NUTM2G: variants seen among roughly 807,000 people sequenced by gnomAD.
NUTM2G encodes the protein NUT family member 2G, also known as family with sequence similarity 22, member G.
NUTM2G carries 29 observed loss-of-function variants against 44.3 expected under a neutral mutation model. That is an observed-to-expected ratio of 0.66 (90% CI 0.49 to 0.89). NUTM2G has a LOEUF of 0.89. Ranked by LOEUF, NUTM2G falls within the 40% of genes least tolerant of loss-of-function variation. NUTM2G has a pLI of 0.00. For synonymous variants in NUTM2G, 205 were observed against 395.9 expected (o/e 0.52, Z 5.72); for missense variants, 502 against 946.5 (o/e 0.53, Z 6.16).
At chr9:96,934,520 G>A (rs1391643968) in intron 2 of NUTM2G, among the ~76,000 whole-genome samples, 1 of 152,002 alleles carries the variant, frequency 6.6e-6, no homozygotes, top group Non-Finnish European at 1.5e-5. Context: ...AATGTGGGAA[G>A]CTGTGCCTGG....
rs374524334 is a variant in NUTM2G, at chr9:96,937,157, C to T, written c.1076C>T (p.Pro359Leu). 1.7e-5 allele frequency: 28 copies of T among 1,612,168 alleles called. No homozygotes were observed. The highest frequency in any genetic ancestry group is 2.1e-5 in the Non-Finnish European group (25 of 1,179,874). The change falls in exon 5 of 7, where the codon CCA (proline) becomes CTA (leucine). Residue 359 changes from proline (P) to leucine (L), a missense_variant. By Grantham distance (98) the Pro-to-Leu change is moderately conservative. Transcript: ENST00000372322. The part of the protein sequence containing the change: ...QRPAETKAHL[P>L]PPRPPRPAET... ...CCAGCGGAGACCAAGGCCCACCTGC[C>T]ACCACCCAGGCCCCCGAGGCCAGCA...
At chr9:96,930,912 T>TTTTTTTTTG (rs1826224456) in intron 1 of NUTM2G, among the ~76,000 whole-genome samples, 1 of 97,732 alleles carries the variant, frequency 1.0e-5, no homozygotes, top group African/African-American at 4.8e-5. Flanking sequence ...TTTTTTTTTT[T>TTTTTTTTTG]GAGACGGAGT....
At chr9:96,936,325 C>A (rs1056713840) in intron 3 of NUTM2G, 100 bp from the exon 4 acceptor site, 1 of 1,532,926 alleles carries the variant, frequency 6.5e-7, no homozygotes, top group African/African-American at 1.4e-5. Flanking sequence ...GACAGCCCGC[C>A]GGAGGCACTC....
intron 4 of NUTM2G, 142 bp from the exon 5 acceptor site, chr9:96,936,922 C>T (rs1274134361): frequency 3.7e-6 from 5 of 1,346,118 alleles, no homozygotes; most frequent in East Asian, 5.0e-5. Context: ...CCTCCTGCGG[C>T]GTCTCCTCCG....
At chr9:96,935,698 T>TG (rs1483589384) in intron 3 of NUTM2G, among the ~76,000 whole-genome samples, 2 of 152,094 alleles carry the variant, frequency 1.3e-5, no homozygotes, top group Non-Finnish European at 2.9e-5. Context: ...GCCTTGACAC[T>TG]GGGGGTCATG....
chr9:96,941,363 TTAACA>T (rs1419933753), downstream of NUTM2G, among the ~76,000 whole-genome samples: 1 of 150,696 alleles, frequency 6.6e-6, no homozygotes, highest in Non-Finnish European at 1.5e-5. Context: ...TCTGATGGAC[TTAACA>T]TGTGTCCCCC....
At chr9:96,937,795 C>T (rs923239777) in intron 5 of NUTM2G, 90 bp from the exon 6 acceptor site, 2 of 1,575,970 alleles carry the variant, frequency 1.3e-6, no homozygotes, top group African/African-American at 2.7e-5. Flanking sequence ...GGAATGGGGC[C>T]CTCCCTGCTT....
At chr9:96,940,772 T>G (rs1282954757), downstream of NUTM2G, among the ~76,000 whole-genome samples, 5 of 152,180 alleles carry the variant, frequency 3.3e-5, no homozygotes, top group East Asian at 9.6e-4. Flanking sequence ...GGGAGCCATG[T>G]TTGGGTTCTC....
At chr9:96,936,370 TG>T in intron 3 of NUTM2G, 54 bp from the exon 4 acceptor site, 4 of 1,544,054 alleles carry the variant, frequency 2.6e-6, no homozygotes, top group Non-Finnish European at 3.5e-6. Context: ...TGCCTGGTCC[TG>T]GGGGGAGGGG....
Position 96,938,608 on chromosome 9 carries a change from T to C in NUTM2G, c.1685T>C (p.Val562Ala), listed in dbSNP as rs760103512. The change falls in exon 7 of 7, where the codon GTG becomes GCG. Residue 562 changes from valine (V) to alanine (A), a missense_variant. By Grantham distance (64) the Val-to-Ala change is moderately conservative. Coordinates refer to ENST00000372322, the MANE Select transcript of NUTM2G (RefSeq NM_001170741.3). ...TGMARSEDPA[V>A]LLGCQDSPRL... is the part of the protein sequence containing the mutation. ...ATGGCCAGGTCCGAAGACCCTGCTG[T>C]GCTTTTGGGATGTCAGGACTCCCCC... 39 of 1,605,654 alleles carry C rather than the reference T, an allele frequency of 2.4e-5. No individual in the cohort carries two copies. The highest frequency in any genetic ancestry group is 6.8e-6 in the Non-Finnish European group (8 of 1,179,530).
intron 1 of NUTM2G, among the ~76,000 whole-genome samples, chr9:96,931,169 T>C (rs1826233479): frequency 1.3e-5 from 2 of 152,048 alleles, no homozygotes; most frequent in Admixed American, 6.5e-5. Flanking sequence ...ATGACAGGCA[T>C]GAACCAGCAT....
At chr9:96,937,747 T>C in intron 5 of NUTM2G, 138 bp from the exon 6 acceptor site, 1 of 1,060,228 alleles carries the variant, frequency 9.4e-7, no homozygotes, top group South Asian at 1.3e-5. Context: ...TGCGTGTAGC[T>C]GGTGGTCGCC....
rs201137010 is a variant in NUTM2G, at chr9:96,937,322, A to C, written c.1241A>C (p.Gln414Pro). The change falls in exon 5 of 7, where the codon CAG (glutamine) becomes CCG (proline). Residue 414 changes from glutamine to proline, a missense_variant. Coordinates refer to ENST00000372322, the MANE Select transcript of NUTM2G (RefSeq NM_001170741.3). ...QREKGKVEQP[Q>P]EEDGMTSDPG... ...GAAAAGGGCAAAGTGGAGCAGCCGC[A>C]GGAAGAGGACGGGATGACCTCAGAC... 33 of 1,613,954 alleles carry C rather than the reference A, an allele frequency of 2.0e-5. No homozygotes were observed. Among genetic ancestry groups the C allele is most frequent in the Non-Finnish European group, 2.8e-5 (33 of 1,179,874 alleles).
Position 96,939,229 on chromosome 9 carries a change from G to GC in NUTM2G, c.*84dup. The stretch of plus-strand genomic sequence containing the variant: ...GTCTCGGACCCTCATGGCACCCGGT[G>GC]CCCCAAAGCAAAGGCTGCTTCTCCT... On this transcript the variant is annotated 3_prime_UTR_variant, in exon 7 of 7. Coordinates refer to ENST00000372322, the MANE Select transcript of NUTM2G (RefSeq NM_001170741.3). 1 of 432,908 alleles carries GC rather than the reference G, an allele frequency of 2.3e-6. No individual in the cohort carries two copies. The highest frequency in any genetic ancestry group is 3.7e-6 in the Non-Finnish European group (1 of 270,582). The allele number at this position is 432,908 out of a possible 1,614,324, so 26.8% of individuals were successfully genotyped here.
At chr9:96,940,488 A>AC (rs1282449366), downstream of NUTM2G, among the ~76,000 whole-genome samples, 2 of 149,728 alleles carry the variant, frequency 1.3e-5, no homozygotes, top group Non-Finnish European at 2.9e-5. Flanking sequence ...CTTACCCCTA[A>AC]CCCACCTCTC....
chr9:96,935,770 G>A (rs916780397), intron 3 of NUTM2G, among the ~76,000 whole-genome samples: 1 of 152,190 alleles, frequency 6.6e-6, no homozygotes, highest in Non-Finnish European at 1.5e-5. Context: ...ATGGGAAGAA[G>A]GGGCGCTAGT....
intron 3 of NUTM2G, among the ~76,000 whole-genome samples, chr9:96,935,977 C>G (rs1026082286): frequency 2.4e-4 from 36 of 150,006 alleles, no homozygotes; most frequent in African/African-American, 8.4e-4. Context: ...TCAGGGGAAA[C>G]GGGCCCTGTC....
In NUTM2G at chr9:96,931,875, C is replaced by A; in HGVS notation, c.170C>A (p.Ser57Tyr). The change falls in exon 2 of 7, where the codon TCT becomes TAT. Residue 57 changes from serine (S) to tyrosine (Y), a missense_variant. Transcript: ENST00000372322. ...CCTCCAGCCGGCCCTCTGGTGCTCT[C>A]TGCCTTCCCCAGCACCCCTCTAGTG... ...VVPPAGPLVL[S>Y]AFPSTPLVAG... is the part of the protein sequence containing the mutation. The A allele has an allele frequency of 6.2e-7, 1 of 1,612,464 alleles. No individual in the cohort carries two copies. The highest frequency in any genetic ancestry group is 8.5e-7 in the Non-Finnish European group (1 of 1,179,856).
At position 96,938,751 on chromosome 9, in the gene NUTM2G, GGGCT is replaced by G. The variant is rs1206521569; in HGVS notation, c.1833_1836del (p.Ala612ArgfsTer22). On this transcript the variant is annotated frameshift_variant, in exon 7 of 7. Coordinates refer to ENST00000372322, the MANE Select transcript of NUTM2G (RefSeq NM_001170741.3). LOFTEE classifies it low-confidence loss of function (END_TRUNC). ...AGAGTCTCCTGTCAAGGAGTCACAT[GGGCT>G]GGCTAAGGGGTCAAGTGAGGAGACG... is the stretch of plus-strand genomic sequence containing the variant. The G allele has an allele frequency of 1.1e-5, 18 of 1,599,604 alleles. No individual in the cohort carries two copies. The highest frequency in any genetic ancestry group is 1.4e-5 in the African/African-American group (1 of 69,212).
Sources: allele counts gnomAD v4.1 joint callset (sites outside exome capture counted in the v4.1 genomes callset), GRCh38; gene constraint gnomAD v4.1.1; transcripts MANE v1.5; gene names NCBI Gene and HGNC (gene_info 2026-07-23, HGNC 2026-07-21).